Variants in ACTR3B observed in about 807,000 individuals in gnomAD.
ACTR3B encodes the protein actin-related protein 3B.
In ACTR3B, 8 loss-of-function variants were observed where a neutral mutation model predicts 59.0. The ratio of observed to expected loss-of-function variants is 0.14; its 90% CI spans 0.08 to 0.24. The LOEUF (loss-of-function observed/expected upper bound fraction) is 0.24. ACTR3B is among the 10% of genes least tolerant of loss of function. The pLI, the probability that ACTR3B is intolerant of heterozygous loss-of-function variation, is 1.00. For missense variants in ACTR3B, 245 were observed against 552.3 expected, an observed-to-expected ratio of 0.44 and a Z score of 5.58; for synonymous variants, 148 against 197.9, an observed-to-expected ratio of 0.75 and a Z score of 2.12.
At chr7:152,786,753 T>G (rs1344542754) in intron 2 of ACTR3B, among the ~76,000 whole-genome samples, 1 of 152,180 alleles carries the variant, frequency 6.6e-6, no homozygotes, top group African/African-American at 2.4e-5. Context: ...CTGGTTGTGT[T>G]TCTACTCCAT....
At chr7:152,831,432 G>A (rs1427343421) in intron 9 of ACTR3B, among the ~76,000 whole-genome samples, 4 of 152,216 alleles carry the variant, frequency 2.6e-5, no homozygotes, top group African/African-American at 4.8e-5. Context: ...ATCTGGGTCC[G>A]TGCTCTCCAG....
chr7:152,809,961 TA>T (rs2098264726), intron 4 of ACTR3B, among the ~76,000 whole-genome samples: 1 of 152,210 alleles, frequency 6.6e-6, no homozygotes, highest in African/African-American at 2.4e-5. Flanking sequence ...ATACTATTTG[TA>T]CCCTATTAGC....
rs117162275 is a variant in ACTR3B at position 152,850,655 on chromosome 7, C to T, written c.952-1471C>T. 8.8e-3 allele frequency among the ~76,000 whole-genome samples: 1,334 copies of T among 152,360 alleles called. 7 individuals carry two copies. Among genetic ancestry groups the T allele is most frequent in the Non-Finnish European group, 0.014 (970 of 68,032 alleles). On this transcript the variant is annotated intron_variant, in intron 9 of 11. Transcript: ENST00000256001. ...GAGCTGGCATGAGAGAAAAATGATC[C>T]CTTTGTAGTCAGTCCTGGCTGTCTT... is the stretch of plus-strand genomic sequence containing the variant.
intron 1 of ACTR3B, among the ~76,000 whole-genome samples, chr7:152,773,952 C>T (rs183401175): frequency 2.0e-4 from 30 of 152,244 alleles, no homozygotes; most frequent in African/African-American, 3.1e-4. Flanking sequence ...TGGGCACCAA[C>T]GAGTTCCAGA....
intron 6 of ACTR3B, among the ~76,000 whole-genome samples, chr7:152,819,555 C>T (rs1268702707): frequency 1.3e-5 from 2 of 152,190 alleles, no homozygotes; most frequent in African/African-American, 4.8e-5. Flanking sequence ...TTGGGCCCAT[C>T]ATTGCTGTGG....
intron 10 of ACTR3B, among the ~76,000 whole-genome samples, chr7:152,852,659 T>A (rs1057363573): frequency 3.3e-5 from 5 of 152,312 alleles, no homozygotes; most frequent in African/African-American, 1.2e-4. Flanking sequence ...TACAAGGCGT[T>A]CCTCCAAGAT....
At chr7:152,853,651 G>A (rs752391397) in intron 11 of ACTR3B, 74 bp downstream of exon 11, 30 of 1,319,672 alleles carry the variant, frequency 2.3e-5, no homozygotes, top group Non-Finnish European at 2.9e-5. Context: ...TACTGTCTAC[G>A]AAGGTGAAAT....
intron 1 of ACTR3B, among the ~76,000 whole-genome samples, chr7:152,769,031 T>G (rs2098117927): frequency 6.6e-6 from 1 of 151,656 alleles, no homozygotes; most frequent in Non-Finnish European, 1.5e-5. Flanking sequence ...TTTTGTGTTT[T>G]TAGTAGAGAC....
intron 10 of ACTR3B, 32 bp downstream of exon 10, chr7:152,852,283 G>A: frequency 6.3e-7 from 1 of 1,580,038 alleles, no homozygotes; most frequent in Non-Finnish European, 8.5e-7. Flanking sequence ...GCAGTGCCTG[G>A]GGCTATTGCC....
At chr7:152,817,076 G>T (rs1364083814) in intron 6 of ACTR3B, among the ~76,000 whole-genome samples, 1 of 149,816 alleles carries the variant, frequency 6.7e-6, no homozygotes, top group African/African-American at 2.4e-5. Context: ...TGGAAAAATT[G>T]CTTTTTGTTT....
intron 9 of ACTR3B, among the ~76,000 whole-genome samples, chr7:152,838,466 G>A (rs1251804813): frequency 2.0e-5 from 3 of 152,170 alleles, no homozygotes; most frequent in East Asian, 1.9e-4. Context: ...GTTCTCACTC[G>A]TAAGTGGGAG....
intron 9 of ACTR3B, among the ~76,000 whole-genome samples, chr7:152,848,350 G>A (rs752219331): frequency 6.6e-6 from 1 of 152,234 alleles, no homozygotes; most frequent in Non-Finnish European, 1.5e-5. Flanking sequence ...GCTGTTAGGA[G>A]ACCAAGGCTG....
At chr7:152,852,832 C>T (rs1437125869) in intron 10 of ACTR3B, among the ~76,000 whole-genome samples, 2 of 152,008 alleles carry the variant, frequency 1.3e-5, no homozygotes, top group Non-Finnish European at 2.9e-5. Context: ...CTCTCTGTCG[C>T]CCAGGCTGGA....
chr7:152,834,191 T>A (rs1301099504), intron 9 of ACTR3B, among the ~76,000 whole-genome samples: 1 of 151,772 alleles, frequency 6.6e-6, no homozygotes, highest in African/African-American at 2.4e-5. Flanking sequence ...TTCGCTCTTG[T>A]CGCCCAGCCT....
rs565954246 is a variant in ACTR3B, at chr7:152,833,172, C to T, written c.951+8050C>T. Among the ~76,000 whole-genome samples, 138 of 152,194 alleles carry T rather than the reference C, an allele frequency of 9.1e-4. 5 individuals carry two copies. Among genetic ancestry groups the T allele is most frequent in the Admixed American group, 2.4e-3 (37 of 15,282 alleles). ...AGGCCAAATCACAGCAGTTGCAGGC[C>T]GAAGAGGGGGTGGTTAGAGGAAAGA... On this transcript the variant is annotated intron_variant, in intron 9 of 11. Transcript: ENST00000256001.
At chr7:152,816,227 A>G (rs563702562) in intron 5 of ACTR3B, among the ~76,000 whole-genome samples, 13 of 152,358 alleles carry the variant, frequency 8.5e-5, no homozygotes, top group African/African-American at 2.6e-4. Flanking sequence ...GATTACAGGC[A>G]TGAGTCACCA....
intron 1 of ACTR3B, among the ~76,000 whole-genome samples, chr7:152,771,923 G>A (rs1462093579): frequency 6.6e-6 from 1 of 152,158 alleles, no homozygotes; most frequent in Non-Finnish European, 1.5e-5. Flanking sequence ...AAATTAGCCA[G>A]GTGTGGTGGT....
chr7:152,852,097 C>T, intron 9 of ACTR3B, 29 bp from the exon 10 acceptor site: 1 of 1,613,854 alleles, frequency 6.2e-7, no homozygotes, highest in Non-Finnish European at 8.5e-7. Context: ...CGGTTTTACC[C>T]AGGGCTCCCT....
intron 11 of ACTR3B, among the ~76,000 whole-genome samples, chr7:152,853,845 TAG>T (rs1484918171): frequency 5.3e-5 from 8 of 152,128 alleles, no homozygotes; most frequent in Non-Finnish European, 8.8e-5. Flanking sequence ...GCCTCCTGAG[TAG>T]CTGGGACTAC....
Sources: gnomAD v4.1 joint callset for allele counts (sites outside exome capture counted in the v4.1 genomes callset) on GRCh38, gnomAD v4.1.1 for gene constraint, MANE v1.5 for transcripts, NCBI Gene and HGNC (gene_info 2026-07-23, HGNC 2026-07-21) for gene names.